Variants in SLC22A23 observed in about 807,000 individuals in gnomAD.
SLC22A23 encodes the protein ion transporter protein.
SLC22A23 carries 26 observed loss-of-function variants against 61.0 expected under a neutral mutation model. That is an observed-to-expected ratio of 0.43 (90% CI 0.31 to 0.59). The LOEUF is 0.59. SLC22A23 is among the 20% of genes least tolerant of loss of function. The pLI, the probability that SLC22A23 is intolerant of heterozygous loss-of-function variation, is 0.11. For missense variants in SLC22A23, 796 were observed against 934.7 expected, an observed-to-expected ratio of 0.85 and a Z score of 1.94; for synonymous variants, 430 against 413.9, an observed-to-expected ratio of 1.04 and a Z score of -0.47.
At chr6:3,321,875 A>G (rs1334604745) in intron 4 of SLC22A23, among the ~76,000 whole-genome samples, 2 of 152,174 alleles carry the variant, frequency 1.3e-5, no homozygotes, top group East Asian at 3.8e-4. Flanking sequence ...CATGAGATGG[A>G]AGCTGAGGGA....
intron 1 of SLC22A23, among the ~76,000 whole-genome samples, chr6:3,421,738 G>A (rs181640097): frequency 6.6e-6 from 1 of 152,138 alleles, no homozygotes; most frequent in Non-Finnish European, 1.5e-5. Flanking sequence ...CTCCCACAGT[G>A]GTAGCGATGG....
Position 3,298,768 on chromosome 6 carries a change from C to G in SLC22A23, c.1083-550G>C, listed in dbSNP as rs538638661. Among the ~76,000 whole-genome samples, 5 of 151,664 alleles carry G rather than the reference C, an allele frequency of 3.3e-5. No individual in the cohort carries two copies. The East Asian group carries it at 9.7e-4, about 29-fold the overall frequency. On this transcript the variant is annotated intron_variant, in intron 4 of 9. Transcript: ENST00000406686. Reference sequence around the variant, plus strand: ...CGGGTGGATCATGAGGTCAGGAGATCGAGACCATCCTGGCTAACAAGGTGA... The same window carrying G: ...CGGGTGGATCATGAGGTCAGGAGATGGAGACCATCCTGGCTAACAAGGTGA...
intron 9 of SLC22A23, chr6:3,282,252 C>T (rs777705959): frequency 4.7e-5 from 33 of 702,572 alleles, no homozygotes; most frequent in African/African-American, 2.1e-4. Flanking sequence ...AGTGAGCCTG[C>T]GGTCGGCCTG....
Position 3,383,503 on chromosome 6 carries a change from T to C in SLC22A23, c.913+26685A>G, listed in dbSNP as rs1019317017. ...CGTGGTTAAATAAAACCAAACCATG[T>C]TGAACACAGAGTCAGTGTGACGAGC... On this transcript the variant is annotated intron_variant, in intron 3 of 9. Coordinates refer to ENST00000406686, the MANE Select transcript of SLC22A23 (RefSeq NM_015482.2). 2.0e-5 allele frequency among the ~76,000 whole-genome samples: 3 copies of C among 152,326 alleles called. No individual in the cohort carries two copies. In the South Asian group the frequency reaches 6.2e-4, roughly 32 times the overall value.
At position 3,272,977 on chromosome 6, in the gene SLC22A23, C is replaced by CT; in HGVS notation, c.*77dup. On this transcript the variant is annotated 3_prime_UTR_variant, in exon 10 of 10. Transcript: ENST00000406686. ...GCTGAGGCAGCTTTCCCACCCCTGG[C>CT]TGCGTGTTCGGTCCCTGGTCTGTAA... 1 of 1,318,296 alleles carries CT rather than the reference C, an allele frequency of 7.6e-7. No homozygotes were observed. The highest frequency in any genetic ancestry group is 1.0e-6 in the Non-Finnish European group (1 of 974,852). 81.7% of individuals were successfully genotyped at this position (1,318,296 alleles called of 1,614,324 possible). A position where few individuals can be genotyped will look rare whatever the true frequency, so the allele number is the denominator to read the frequency against.
intron 3 of SLC22A23, among the ~76,000 whole-genome samples, chr6:3,331,623 T>A (rs573908024): frequency 6.6e-6 from 1 of 152,374 alleles, no homozygotes; most frequent in East Asian, 1.9e-4. Flanking sequence ...TACTACCTTC[T>A]GTTTTTTCTT....
intron 1 of SLC22A23, among the ~76,000 whole-genome samples, chr6:3,419,878 C>T (rs1221860604): frequency 6.6e-6 from 1 of 152,158 alleles, no homozygotes; most frequent in Non-Finnish European, 1.5e-5. Context: ...AGGGGGTAAG[C>T]AGACAAGATA....
chr6:3,296,209 A>C (rs1348529249), intron 5 of SLC22A23, among the ~76,000 whole-genome samples: 1 of 152,248 alleles, frequency 6.6e-6, no homozygotes, highest in Non-Finnish European at 1.5e-5. Flanking sequence ...GTCCAAAACG[A>C]GCAAGCATGG....
chr6:3,326,461 G>A (rs1049159366), intron 3 of SLC22A23, among the ~76,000 whole-genome samples: 1 of 152,042 alleles, frequency 6.6e-6, no homozygotes, highest in African/African-American at 2.4e-5. Context: ...ACAACTCCTT[G>A]AGAAGCACTG....
In SLC22A23 at chr6:3,310,270, TGGAGCACCCTGTCTCCCAG is replaced by T. The variant is rs1165664542; in HGVS notation, c.1083-12071_1083-12053del. ...TCCCAGGGAGCACCCTGTCTCCCAC[TGGAGCACCCTGTCTCCCAG>T]GGAGCACCCTGTCTCCCACTCAAGC... On this transcript the variant is annotated intron_variant, in intron 4 of 9. Coordinates refer to ENST00000406686, the MANE Select transcript of SLC22A23 (RefSeq NM_015482.2). Among the ~76,000 whole-genome samples the T allele has an allele frequency of 6.5e-3, 940 of 145,052 alleles. 14 individuals are homozygous for T. The highest frequency in any genetic ancestry group is 0.021 in the African/African-American group (802 of 37,468).
intron 3 of SLC22A23, among the ~76,000 whole-genome samples, chr6:3,383,429 G>C (rs75340413): frequency 0.013 from 1,952 of 152,342 alleles, 22 homozygotes; most frequent in South Asian, 0.023. Flanking sequence ...GCACGGTGTA[G>C]AATCCTTTAT....
chr6:3,287,913 G>C (rs1394019859), intron 6 of SLC22A23, among the ~76,000 whole-genome samples: 2 of 152,144 alleles, frequency 1.3e-5, no homozygotes, highest in Non-Finnish European at 2.9e-5. Flanking sequence ...TCGAACTCCT[G>C]ATCTCAAGTG....
rs1763422656 is a variant in SLC22A23, at chr6:3,328,830, G to C, written c.914-4828C>G. Among the ~76,000 whole-genome samples, 1 of 152,086 alleles carries C rather than the reference G, an allele frequency of 6.6e-6. No individual in the cohort carries two copies. Among genetic ancestry groups the C allele is most frequent in the East Asian group, 1.9e-4 (1 of 5,200 alleles). Reference sequence around the variant, plus strand: ...GGTTGAACTCTGAGGCGGAGGTCAGGAGGTCCTGCCCATCACACAGGCTCA... The same window carrying C: ...GGTTGAACTCTGAGGCGGAGGTCAGCAGGTCCTGCCCATCACACAGGCTCA... On this transcript the variant is annotated intron_variant, in intron 3 of 9. Transcript: ENST00000406686. The surrounding 1 kb of genome is among the most constrained non-coding windows in gnomAD (Gnocchi z 5.0).
chr6:3,424,753 C>T (rs1452118586), intron 1 of SLC22A23, among the ~76,000 whole-genome samples: 1 of 152,258 alleles, frequency 6.6e-6, no homozygotes, highest in African/African-American at 2.4e-5. Flanking sequence ...CACAGCCGTG[C>T]TCCTTCATTC....
chr6:3,315,274 C>T (rs115613630), intron 4 of SLC22A23, among the ~76,000 whole-genome samples: 13 of 152,258 alleles, frequency 8.5e-5, no homozygotes, highest in Admixed American at 2.0e-4. Flanking sequence ...GCAGGGAGGT[C>T]GGGGGAGCAG....
chr6:3,375,029 C>T (rs890414640), intron 3 of SLC22A23, among the ~76,000 whole-genome samples: 3 of 152,152 alleles, frequency 2.0e-5, no homozygotes, highest in African/African-American at 4.8e-5. Flanking sequence ...GAATGAACAA[C>T]GGTGCTGATG....
At chr6:3,365,003 G>A (rs771434616) in intron 3 of SLC22A23, among the ~76,000 whole-genome samples, 2 of 152,210 alleles carry the variant, frequency 1.3e-5, no homozygotes, top group African/African-American at 2.4e-5. Context: ...ACAGGTGTCT[G>A]CTGTATAGTT....
At chr6:3,314,004 G>A (rs1381150760) in intron 4 of SLC22A23, among the ~76,000 whole-genome samples, 1 of 152,200 alleles carries the variant, frequency 6.6e-6, no homozygotes, top group Non-Finnish European at 1.5e-5. Context: ...ACTCCAGCCT[G>A]CGCAATAAGA....
rs1408449393 is a variant in SLC22A23 at position 3,317,996 on chromosome 6, T to C, written c.1082+5838A>G. ...TTGGCTCCACTTGCTGGAGCATAAA[T>C]CATTCATGTGTCCCATCTTCCTTGC... On this transcript the variant is annotated intron_variant, in intron 4 of 9. Transcript: ENST00000406686. The surrounding 1 kb of genome is among the most constrained non-coding windows in gnomAD (Gnocchi z 4.4). 6.6e-6 allele frequency among the ~76,000 whole-genome samples: 1 copy of C among 152,144 alleles called. No homozygotes were observed. Among genetic ancestry groups the C allele is most frequent in the Admixed American group, 6.5e-5 (1 of 15,276 alleles).
Sources: allele counts gnomAD v4.1 joint callset (sites outside exome capture counted in the v4.1 genomes callset), GRCh38; gene constraint gnomAD v4.1.1; non-coding constraint Gnocchi (gnomAD v3.1); transcripts MANE v1.5; gene names NCBI Gene and HGNC (gene_info 2026-07-23, HGNC 2026-07-21).